Variants in AFF2 observed in about 807,000 individuals in gnomAD.
The protein encoded by AFF2 is ALF transcription elongation factor 2, also known as AF4/FMR2 family member 2.
A neutral mutation model predicts 76.9 loss-of-function variants in AFF2; 14 were observed. The observed-to-expected ratio is 0.18, with a 90% CI of 0.12 to 0.28. The LOEUF is 0.28. AFF2 is among the 10% of genes least tolerant of loss of function. AFF2 has a pLI of 1.00. For missense variants in AFF2, 868 were observed against 1,001.1 expected (o/e 0.87, Z 1.79); for synonymous variants, 398 against 366.7 (o/e 1.09, Z -0.98).
intron 3 of AFF2, among the ~76,000 whole-genome samples, chrX:148,808,512 A>G (rs984733334): frequency 2.7e-5 from 3 of 112,297 alleles, no homozygotes; most frequent in African/African-American, 9.7e-5. Context: ...TATTATTGTT[A>G]TCGGAAGGAT....
intron 3 of AFF2, among the ~76,000 whole-genome samples, chrX:148,769,470 G>A (rs1486040168): frequency 2.7e-5 from 3 of 111,529 alleles, no homozygotes; most frequent in African/African-American, 9.8e-5. Flanking sequence ...GTTCCCTATC[G>A]ATAAACTGTT....
intron 3 of AFF2, among the ~76,000 whole-genome samples, chrX:148,711,120 G>C (rs1026276355): frequency 1.2e-4 from 13 of 111,609 alleles, no homozygotes; most frequent in Non-Finnish European, 2.3e-4. Flanking sequence ...AGTAAATAAA[G>C]GATGAAGAAA....
chrX:148,926,092 A>G (rs1032593141), intron 9 of AFF2, among the ~76,000 whole-genome samples: 10 of 111,944 alleles, frequency 8.9e-5, no homozygotes, highest in Middle Eastern at 4.7e-3. Flanking sequence ...AGTCTGCTGG[A>G]TGAGGGTCCT....
rs144449410 is a variant in AFF2 at position 148,553,759 on chromosome X, C to T, written c.47+52615C>T. On this transcript the variant is annotated intron_variant, in intron 1 of 20. Transcript: ENST00000370460. ...TGTTTATTTCTTCCGTGTCCCCAGA[C>T]CCTAACTTCCTTCCACTAATATTAC... 3.6e-3 allele frequency among the ~76,000 whole-genome samples: 402 copies of T among 112,040 alleles called. 2 individuals carry two copies. Among genetic ancestry groups the T allele is most frequent in the African/African-American group, 0.012 (385 of 30,805 alleles).
At chrX:148,866,758 T>C (rs1408395631) in intron 7 of AFF2, among the ~76,000 whole-genome samples, 1 of 112,562 alleles carries the variant, frequency 8.9e-6, no homozygotes, top group Admixed American at 9.4e-5. Flanking sequence ...TATGCAAAAG[T>C]AGTTATTTTG....
chrX:148,557,435 G>C (rs2053063869), intron 1 of AFF2, among the ~76,000 whole-genome samples: 1 of 112,151 alleles, frequency 8.9e-6, no homozygotes, highest in African/African-American at 3.2e-5. Context: ...TACAGTTCTG[G>C]AGACTGGGAT....
At chrX:148,601,831 C>G (rs5980376) in intron 1 of AFF2, among the ~76,000 whole-genome samples, 5,422 of 111,697 alleles carry the variant, frequency 0.049, 316 homozygotes, top group African/African-American at 0.17. Context: ...TTGTTAAATC[C>G]TATGTCTCCA....
intron 3 of AFF2, among the ~76,000 whole-genome samples, chrX:148,691,480 T>C (rs1015259852): frequency 1.8e-5 from 2 of 111,752 alleles, no homozygotes; most frequent in African/African-American, 6.5e-5. Flanking sequence ...CAAAGTGCAA[T>C]GAAATACGAG....
chrX:148,675,400 G>A (rs1460755076), intron 3 of AFF2, among the ~76,000 whole-genome samples: 1 of 111,593 alleles, frequency 9.0e-6, no homozygotes, highest in Non-Finnish European at 1.9e-5. Flanking sequence ...ACATCTTAAA[G>A]TAGGTATCAT....
In AFF2 at chrX:148,958,358, A is replaced by C; in HGVS notation, c.2590A>C (p.Ile864Leu). 8.3e-7 allele frequency: 1 copy of C among 1,211,381 alleles called. No individual in the cohort carries two copies. The highest frequency in any genetic ancestry group is 1.1e-6 in the Non-Finnish European group (1 of 895,299). The change falls in exon 12 of 21, where the codon ATC (isoleucine) becomes CTC (leucine). Residue 864 changes from isoleucine to leucine, a missense_variant. Physicochemically the swap from Ile to Leu is conservative, Grantham distance 5. Transcript: ENST00000370460. ...AAAGCCAATAGAAGTTGCAGAGAAG[A>C]TCCCTGAGAAGAAGCAGCGCCTGGA... ...KHKPIEVAEK[I>L]PEKKQRLEEA...
intron 9 of AFF2, among the ~76,000 whole-genome samples, chrX:148,912,982 A>G (rs983538907): frequency 4.4e-5 from 5 of 113,259 alleles, no homozygotes; most frequent in African/African-American, 1.6e-4. Flanking sequence ...TTTAAGGACA[A>G]TTAATGGAGA....
rs73640619 is a variant in AFF2 at position 148,960,125 on chromosome X, G to A, written c.2690+1667G>A. Among the ~76,000 whole-genome samples, 935 of 112,978 alleles carry A rather than the reference G, an allele frequency of 8.3e-3. 14 individuals are homozygous for A. Among genetic ancestry groups the A allele is most frequent in the African/African-American group, 0.029 (891 of 31,132 alleles). On this transcript the variant is annotated intron_variant, in intron 12 of 20. Transcript: ENST00000370460. ...TGTGTGGATGTGGAGCAGGGAGCTT[G>A]GAGAACACTCAAGAGACAGCAGGTA...
rs1429528449 is a variant in AFF2, at chrX:148,897,329, TC to T, written c.1360-6890del. Among the ~76,000 whole-genome samples, 3 of 87,881 alleles carry T rather than the reference TC, an allele frequency of 3.4e-5. No individual in the cohort carries two copies. In the South Asian group the frequency reaches 1.7e-3, roughly 51 times the overall value. The allele number at this position is 87,881 out of a possible 115,157, so 76.3% of individuals were successfully genotyped here. ...GTATATATATAAATACATATATATA[TC>T]CATATGTATATAATCCTTTTAGATA... On this transcript the variant is annotated intron_variant, in intron 8 of 20. Transcript: ENST00000370460.
intron 7 of AFF2, among the ~76,000 whole-genome samples, chrX:148,848,220 C>G (rs1316606424): frequency 9.0e-6 from 1 of 111,119 alleles, no homozygotes; most frequent in African/African-American, 3.3e-5. Flanking sequence ...TTTTCGATGA[C>G]ACAAAACTGG....
intron 1 of AFF2, among the ~76,000 whole-genome samples, chrX:148,643,135 A>G (rs1557254922): frequency 8.9e-6 from 1 of 111,910 alleles, no homozygotes; most frequent in African/African-American, 3.3e-5. Flanking sequence ...AAACATGAAG[A>G]AACAGGAAAT....
At chrX:148,790,809 A>G (rs782049389) in intron 3 of AFF2, among the ~76,000 whole-genome samples, 8 of 111,879 alleles carry the variant, frequency 7.2e-5, no homozygotes, top group Non-Finnish European at 1.5e-4. Flanking sequence ...CTATGTAACA[A>G]ACCTGCACAT....
intron 3 of AFF2, among the ~76,000 whole-genome samples, chrX:148,749,876 C>A (rs1485086010): frequency 7.2e-5 from 8 of 111,512 alleles, no homozygotes; most frequent in Admixed American, 5.7e-4. Flanking sequence ...CATTTCTACC[C>A]TTCACCCACT....
intron 1 of AFF2, among the ~76,000 whole-genome samples, chrX:148,516,925 A>C (rs1358722779): frequency 1.8e-5 from 2 of 111,898 alleles, no homozygotes; most frequent in Non-Finnish European, 3.8e-5. Flanking sequence ...CCACTCTAAT[A>C]CTACATCATT....
intron 9 of AFF2, among the ~76,000 whole-genome samples, chrX:148,920,193 C>T (rs1200392993): frequency 9.0e-6 from 1 of 111,636 alleles, no homozygotes; most frequent in Non-Finnish European, 1.9e-5. Flanking sequence ...GAGAGTAGAA[C>T]TCCCCCAGGC....
Sources: allele counts gnomAD v4.1 joint callset (sites outside exome capture counted in the v4.1 genomes callset), GRCh38; gene constraint gnomAD v4.1.1; transcripts MANE v1.5; gene names NCBI Gene and HGNC (gene_info 2026-07-23, HGNC 2026-07-21).